Variants in ZC3H12C observed in about 807,000 individuals in gnomAD.
ZC3H12C encodes the protein zinc finger CCCH-type containing 12C.
ZC3H12C carries 20 observed loss-of-function variants against 76.3 expected under a neutral mutation model. The observed-to-expected ratio is 0.26, with a 90% CI of 0.18 to 0.38. ZC3H12C has a LOEUF of 0.38. ZC3H12C is among the 10% of genes least tolerant of loss of function. ZC3H12C has a pLI of 1.00. For missense variants in ZC3H12C, 874 were observed against 1,086.5 expected (o/e 0.80, Z 2.75); for synonymous variants, 352 against 399.6 (o/e 0.88, Z 1.42).
intron 1 of ZC3H12C, among the ~76,000 whole-genome samples, chr11:110,111,275 A>G (rs1400354208): frequency 6.6e-6 from 1 of 152,174 alleles, no homozygotes; most frequent in Non-Finnish European, 1.5e-5. Context: ...TACTTACTTG[A>G]TGGTATACAC....
intron 3 of ZC3H12C, among the ~76,000 whole-genome samples, chr11:110,154,724 T>G (rs1862341491): frequency 6.7e-6 from 1 of 149,978 alleles, no homozygotes; most frequent in Non-Finnish European, 1.5e-5. Context: ...AAATTAAAGC[T>G]CCTGCATTTT....
intron 1 of ZC3H12C, chr11:110,130,862 C>G (rs1861851098): frequency 3.3e-6 from 2 of 615,072 alleles, no homozygotes; most frequent in Non-Finnish European, 5.6e-6. Context: ...TCTTAGAAAC[C>G]TACGAACCTG....
At chr11:110,094,297 T>C (rs1282233896) in intron 1 of ZC3H12C, among the ~76,000 whole-genome samples, 2 of 152,230 alleles carry the variant, frequency 1.3e-5, no homozygotes, top group Non-Finnish European at 2.9e-5. Flanking sequence ...CAAGACTGTA[T>C]TGGAGTATCC....
chr11:110,122,678 A>G (rs1451929287), intron 1 of ZC3H12C, among the ~76,000 whole-genome samples: 2 of 152,224 alleles, frequency 1.3e-5, no homozygotes, highest in African/African-American at 4.8e-5. Context: ...AAATTACATG[A>G]GATAATCAAC....
intron 1 of ZC3H12C, among the ~76,000 whole-genome samples, chr11:110,093,757 G>A (rs1041236938): frequency 2.0e-5 from 3 of 152,146 alleles, no homozygotes; most frequent in African/African-American, 7.2e-5. Flanking sequence ...CCCGCCCGGG[G>A]GCATAGATCG....
intron 1 of ZC3H12C, among the ~76,000 whole-genome samples, chr11:110,101,655 C>A (rs1240974404): frequency 6.6e-6 from 1 of 151,288 alleles, no homozygotes; most frequent in Non-Finnish European, 1.5e-5. Flanking sequence ...TCAAGCGATT[C>A]TCCTGCTTCA....
At chr11:110,120,711 G>GA (rs923599360) in intron 1 of ZC3H12C, among the ~76,000 whole-genome samples, 1 of 152,110 alleles carries the variant, frequency 6.6e-6, no homozygotes, top group African/African-American at 2.4e-5. Context: ...CAAAGATGGG[G>GA]AATCTGCAAA....
intron 1 of ZC3H12C, among the ~76,000 whole-genome samples, chr11:110,094,430 G>A (rs761442222): frequency 6.6e-6 from 1 of 152,144 alleles, no homozygotes; most frequent in Non-Finnish European, 1.5e-5. Context: ...TTTTTCACTT[G>A]TTACGTGCTT....
chr11:110,139,404 AG>A (rs1236509953), intron 2 of ZC3H12C, among the ~76,000 whole-genome samples: 1 of 152,200 alleles, frequency 6.6e-6, no homozygotes, highest in African/African-American at 2.4e-5. Flanking sequence ...TTTTCAGTAG[AG>A]GAGTGTCAAG....
rs777549910 is a variant in ZC3H12C at position 110,152,962 on chromosome 11, G to T, written c.817G>T (p.Ala273Ser). 6.2e-7 allele frequency: 1 copy of T among 1,612,416 alleles called. No homozygotes were observed. The highest frequency in any genetic ancestry group is 1.1e-5 in the South Asian group (1 of 90,592). ...EVFSCRGIKL[A>S]VDWFLERGHK... ...ATTTTCCTGCAGAGGAATAAAATTG[G>T]CAGTGGATTGGTTTTTGGAAAGAGG... The change falls in exon 3 of 6, where the codon GCA (alanine) becomes TCA (serine). Residue 273 changes from alanine to serine, a missense_variant. Coordinates refer to ENST00000278590, the MANE Select transcript of ZC3H12C (RefSeq NM_033390.2).
At chr11:110,102,978 T>C (rs1861246297) in intron 1 of ZC3H12C, among the ~76,000 whole-genome samples, 1 of 152,208 alleles carries the variant, frequency 6.6e-6, no homozygotes, top group Non-Finnish European at 1.5e-5. Context: ...GACTATAGAA[T>C]AGTGCAAACA....
intron 2 of ZC3H12C, among the ~76,000 whole-genome samples, chr11:110,147,570 A>G (rs566442551): frequency 6.6e-6 from 1 of 152,038 alleles, no homozygotes; most frequent in South Asian, 2.1e-4. Flanking sequence ...ATACCTATGT[A>G]ACAAACCTGC....
intron 1 of ZC3H12C, among the ~76,000 whole-genome samples, chr11:110,119,441 T>C (rs1182440113): frequency 6.6e-6 from 1 of 152,216 alleles, no homozygotes; most frequent in African/African-American, 2.4e-5. Context: ...AAATGCAGTT[T>C]AAAGCTTGAG....
At chr11:110,143,281 T>A (rs1862099235) in intron 2 of ZC3H12C, among the ~76,000 whole-genome samples, 1 of 152,166 alleles carries the variant, frequency 6.6e-6, no homozygotes, top group Admixed American at 6.5e-5. Context: ...TCCCCCTGCT[T>A]AAGGACTACG....
At chr11:110,097,346 A>C (rs7110856) in intron 1 of ZC3H12C, among the ~76,000 whole-genome samples, 106,942 of 152,110 alleles carry the variant, frequency 0.7, 37,873 homozygotes, top group East Asian at 0.89. Flanking sequence ...AGTATCACAT[A>C]TCTTAGGGTG....
At chr11:110,099,831 A>C (rs908797980) in intron 1 of ZC3H12C, among the ~76,000 whole-genome samples, 5 of 120,180 alleles carry the variant, frequency 4.2e-5, no homozygotes, top group Non-Finnish European at 5.1e-5. Context: ...AAAAAATCAC[A>C]AACATTTCCT....
At chr11:110,133,579 AT>A (rs1244045640) in intron 1 of ZC3H12C, among the ~76,000 whole-genome samples, 1 of 152,180 alleles carries the variant, frequency 6.6e-6, no homozygotes, top group African/African-American at 2.4e-5. Flanking sequence ...AGTCAACCTA[AT>A]TATTGTAAAC....
chr11:110,154,634 C>G (rs891610390), intron 3 of ZC3H12C, among the ~76,000 whole-genome samples: 1 of 151,660 alleles, frequency 6.6e-6, no homozygotes, highest in African/African-American at 2.4e-5. Flanking sequence ...AAAAATCAAA[C>G]CATCAGAGAC....
intron 1 of ZC3H12C, among the ~76,000 whole-genome samples, chr11:110,108,292 T>C (rs191582662): frequency 7.9e-5 from 12 of 152,288 alleles, no homozygotes; most frequent in Admixed American, 7.2e-4. Flanking sequence ...TCATGCCCTC[T>C]TTACCTGGCT....
Sources: allele counts gnomAD v4.1 joint callset (sites outside exome capture counted in the v4.1 genomes callset), GRCh38; gene constraint gnomAD v4.1.1; transcripts MANE v1.5; gene names NCBI Gene and HGNC (gene_info 2026-07-23, HGNC 2026-07-21).